DDX6: variants seen among roughly 807,000 people sequenced by gnomAD.
The protein encoded by DDX6 is DEAD-box helicase 6, also known as probable ATP-dependent RNA helicase DDX6.
A neutral mutation model predicts 60.6 loss-of-function variants in DDX6; 7 were observed. That is an observed-to-expected ratio of 0.12 (90% CI 0.07 to 0.22). The LOEUF (loss-of-function observed/expected upper bound fraction) is 0.22, where lower values mean the gene tolerates loss of function less well. Ranked by LOEUF, DDX6 falls within the 10% of genes least tolerant of loss-of-function variation. The pLI is 1.00. For missense variants in DDX6, 270 were observed against 589.9 expected (o/e 0.46, Z 5.62); for synonymous variants, 207 against 201.0 (o/e 1.03, Z -0.25).
intron 4 of DDX6, among the ~76,000 whole-genome samples, chr11:118,769,585 G>A (rs1861466198): frequency 6.6e-6 from 1 of 152,030 alleles, no homozygotes; most frequent in African/African-American, 2.4e-5. Flanking sequence ...AGAACAGCCT[G>A]GGCAACATGG....
intron 8 of DDX6, among the ~76,000 whole-genome samples, chr11:118,759,715 G>GA (rs1262072978): frequency 2.6e-5 from 4 of 152,134 alleles, no homozygotes; most frequent in Non-Finnish European, 5.9e-5. Flanking sequence ...GAAAGATGAG[G>GA]AATTTAATTA....
chr11:118,775,745 AT>A (rs1305590267), intron 4 of DDX6, among the ~76,000 whole-genome samples: 5 of 152,208 alleles, frequency 3.3e-5, no homozygotes, highest in African/African-American at 7.2e-5. Context: ...TTAATTGCCT[AT>A]ATGCTATAAC....
At chr11:118,785,560 T>C (rs937955694) in intron 2 of DDX6, among the ~76,000 whole-genome samples, 28 of 151,936 alleles carry the variant, frequency 1.8e-4, no homozygotes, top group African/African-American at 6.5e-4. Flanking sequence ...TAAAAAAAGT[T>C]ACGAGAAAAT....
chr11:118,748,012 T>C lies in DDX6; in HGVS notation c.*4093A>G, dbSNP rs1373252341. 6.7e-6 allele frequency: 1 copy of C among 150,100 alleles called. No individual in the cohort carries two copies. Among genetic ancestry groups the C allele is most frequent in the Non-Finnish European group, 1.5e-5 (1 of 67,828 alleles). The allele number at this position is 150,100 out of a possible 1,614,324, so 9.3% of individuals were successfully genotyped here. ...ACTGTTCACTTCTCAGTGGAACTGG[T>C]CCCTTGTGGCTAGGGACATTGGAAT... On this transcript the variant is annotated 3_prime_UTR_variant, in exon 14 of 14. Transcript: ENST00000534980.
chr11:118,780,978 A>G (rs1565577428), intron 3 of DDX6, 143 bp downstream of exon 3: 1 of 548,968 alleles, frequency 1.8e-6, no homozygotes. Flanking sequence ...ATATAGCCTG[A>G]ATATCTATCT....
intron 7 of DDX6, 65 bp downstream of exon 7, chr11:118,763,147 C>T (rs980159817): frequency 9.3e-7 from 1 of 1,072,624 alleles, no homozygotes; most frequent in African/African-American, 1.6e-5. Flanking sequence ...GCTTCATTCA[C>T]TGGCAGTTAT....
intron 13 of DDX6, among the ~76,000 whole-genome samples, chr11:118,753,500 C>T (rs1460247333): frequency 1.3e-5 from 2 of 151,390 alleles, no homozygotes; most frequent in Admixed American, 6.6e-5. Context: ...TCACCATGCC[C>T]GGCTAATTTT....
In DDX6 at chr11:118,748,448, C is replaced by T. The variant is rs552367368; in HGVS notation, c.*3657G>A. On this transcript the variant is annotated 3_prime_UTR_variant, in exon 14 of 14. Transcript: ENST00000534980. ...TCTCACAGAAGTCCACTAAAGTTCA[C>T]CAAAAAGCTGACTTACTTCAGCTCT... 1.3e-5 allele frequency: 2 copies of T among 152,092 alleles called. No individual in the cohort carries two copies. Among genetic ancestry groups the T allele is most frequent in the Admixed American group, 6.6e-5 (1 of 15,264 alleles). The allele number at this position is 152,092 out of a possible 1,614,324, so 9.4% of individuals were successfully genotyped here. A position where few individuals can be genotyped will look rare whatever the true frequency, so the allele number is the denominator to read the frequency against.
Position 118,751,664 on chromosome 11 carries a change from G to GTAAT in DDX6, c.*437_*440dup. On this transcript the variant is annotated 3_prime_UTR_variant, in exon 14 of 14. Coordinates refer to ENST00000534980, the MANE Select transcript of DDX6 (RefSeq NM_004397.6). Reference sequence around the variant, plus strand: ...AGCATAAGGCACTTCGCACAAATAAGTAATAAGCTCTTCAGGCTTAAAAAA... The same window carrying GTAAT: ...AGCATAAGGCACTTCGCACAAATAAGTAATTAATAAGCTCTTCAGGCTTAAAAAA... The GTAAT allele has an allele frequency of 4.2e-6, 1 of 238,592 alleles. No homozygotes were observed. The allele number at this position is 238,592 out of a possible 1,614,324, so 14.8% of individuals were successfully genotyped here.
At chr11:118,759,049 T>C in intron 8 of DDX6, 147 bp from the exon 9 acceptor site, 1 of 1,095,284 alleles carries the variant, frequency 9.1e-7, no homozygotes, top group Non-Finnish European at 1.3e-6. Flanking sequence ...ATATGATCTG[T>C]CATTACAGAA....
Position 118,748,287 on chromosome 11 carries a change from T to A in DDX6, c.*3818A>T, listed in dbSNP as rs1469611140. On this transcript the variant is annotated 3_prime_UTR_variant, in exon 14 of 14. Transcript: ENST00000534980. ...GGTGCCAGGCTAGCTCCCTCTGACC[T>A]CATGAACTGTGACAACCTTTGGACA... 3 of 152,196 alleles carry A rather than the reference T, an allele frequency of 2.0e-5. No individual in the cohort carries two copies. Among genetic ancestry groups the A allele is most frequent in the African/African-American group, 7.2e-5 (3 of 41,444 alleles). 9.4% of individuals were successfully genotyped at this position (152,196 alleles called of 1,614,324 possible).
intron 7 of DDX6, among the ~76,000 whole-genome samples, chr11:118,760,354 G>C (rs1555159897): frequency 6.6e-6 from 1 of 152,120 alleles, no homozygotes; most frequent in African/African-American, 2.4e-5. Context: ...CCCAGCTGGA[G>C]TGCAGTGGCA....
In DDX6 at chr11:118,750,982, G is replaced by T. The variant is rs563892705; in HGVS notation, c.*1123C>A. The T allele has an allele frequency of 5.9e-5, 9 of 151,280 alleles. No individual in the cohort carries two copies. In the East Asian group the frequency reaches 1.7e-3, roughly 29 times the overall value. 9.4% of individuals were successfully genotyped at this position (151,280 alleles called of 1,614,324 possible). ...AGAATTTAGTGTTGCGTAAAACTGA[G>T]CCCCTCTCATCTTTAGCTGCTCCCA... On this transcript the variant is annotated 3_prime_UTR_variant, in exon 14 of 14. Coordinates refer to ENST00000534980, the MANE Select transcript of DDX6 (RefSeq NM_004397.6).
At chr11:118,763,691 G>A (rs1479483621) in intron 6 of DDX6, among the ~76,000 whole-genome samples, 4 of 152,018 alleles carry the variant, frequency 2.6e-5, no homozygotes, top group South Asian at 2.1e-4. Context: ...AAAATTAGCT[G>A]GGTGTGGTGG....
chr11:118,773,619 C>G (rs1397990176), intron 4 of DDX6, among the ~76,000 whole-genome samples: 1 of 150,254 alleles, frequency 6.7e-6, no homozygotes, highest in Non-Finnish European at 1.5e-5. Flanking sequence ...TTACTCCAGA[C>G]GAGGTAGCAA....
At chr11:118,754,546 A>G (rs1476756722) in intron 13 of DDX6, 159 bp downstream of exon 13, 2 of 589,576 alleles carry the variant, frequency 3.4e-6, no homozygotes, top group Non-Finnish European at 5.6e-6. Context: ...ATGAGACTAC[A>G]ACCTCCCACA....
chr11:118,761,261 G>A (rs1263233846), intron 7 of DDX6, among the ~76,000 whole-genome samples: 1 of 152,138 alleles, frequency 6.6e-6, no homozygotes, highest in Admixed American at 6.6e-5. Context: ...CTCTAAAATT[G>A]TAAAACTATT....
intron 4 of DDX6, among the ~76,000 whole-genome samples, chr11:118,777,429 T>C (rs1861738086): frequency 6.6e-6 from 1 of 152,184 alleles, no homozygotes; most frequent in Non-Finnish European, 1.5e-5. Flanking sequence ...TATACATGCA[T>C]TTATTTCCTT....
intron 2 of DDX6, among the ~76,000 whole-genome samples, chr11:118,781,820 C>A (rs1203134484): frequency 6.6e-6 from 1 of 151,712 alleles, no homozygotes; most frequent in African/African-American, 2.4e-5. Context: ...CCCAGCTACT[C>A]GGGAGGCTGA....
Sources: gnomAD v4.1 joint callset for allele counts (sites outside exome capture counted in the v4.1 genomes callset) on GRCh38, gnomAD v4.1.1 for gene constraint, MANE v1.5 for transcripts, NCBI Gene and HGNC (gene_info 2026-07-23, HGNC 2026-07-21) for gene names.